ASTN2: variants seen among roughly 807,000 people sequenced by gnomAD.
The protein encoded by ASTN2 is astrotactin 2, also known as astrotactin-2.
A neutral mutation model predicts 139.8 loss-of-function variants in ASTN2; 54 were observed. The observed-to-expected ratio is 0.39, with a 90% CI of 0.31 to 0.48. The LOEUF (loss-of-function observed/expected upper bound fraction) is 0.48. Among genes scored for constraint, ASTN2 ranks in the 20% least tolerant of loss-of-function variants. The pLI is 0.95. For missense variants in ASTN2, 1,565 were observed against 1,725.1 expected (o/e 0.91, Z 1.64); for synonymous variants, 756 against 719.5 (o/e 1.05, Z -0.81).
intron 7 of ASTN2, among the ~76,000 whole-genome samples, chr9:116,994,910 T>C (rs1399206154): frequency 6.6e-6 from 1 of 152,196 alleles, no homozygotes; most frequent in African/African-American, 2.4e-5. Context: ...TTGTGCTCAG[T>C]GCATAATACA....
chr9:116,821,362 G>A (rs1831479211), intron 11 of ASTN2, among the ~76,000 whole-genome samples: 1 of 152,144 alleles, frequency 6.6e-6, no homozygotes, highest in Non-Finnish European at 1.5e-5. Flanking sequence ...TTGGATCATG[G>A]GGGTGCATAC....
At chr9:116,905,028 G>A (rs1834117193) in intron 10 of ASTN2, among the ~76,000 whole-genome samples, 1 of 152,038 alleles carries the variant, frequency 6.6e-6, no homozygotes, top group South Asian at 2.1e-4. Flanking sequence ...GAGCAGGCCT[G>A]GCCTTCTGAA....
At chr9:116,727,515 G>T (rs961550100) in intron 15 of ASTN2, among the ~76,000 whole-genome samples, 1 of 120,332 alleles carries the variant, frequency 8.3e-6, no homozygotes, top group Non-Finnish European at 1.8e-5. Flanking sequence ...AATGCAGTGT[G>T]GGGTGTGGGG....
intron 4 of ASTN2, among the ~76,000 whole-genome samples, chr9:117,120,018 G>GTGTATGTATATATA (rs1306397698): frequency 2.2e-4 from 10 of 45,998 alleles, no homozygotes; most frequent in Admixed American, 6.0e-4. Flanking sequence ...GTGTGTGTGT[G>GTGTATGTATATATA]TATATATATA....
In ASTN2 at chr9:116,902,649, G is replaced by A. The variant is rs143445089; in HGVS notation, c.1890-38916C>T. On this transcript the variant is annotated intron_variant, in intron 10 of 22. Coordinates refer to ENST00000313400, the MANE Select transcript of ASTN2 (RefSeq NM_001365068.1). Reference sequence around the variant, plus strand: ...AGGATGTTGTCACAATGACAGAATCGCCTAATGGTACATTTCTCAGAAGAT... The same window carrying A: ...AGGATGTTGTCACAATGACAGAATCACCTAATGGTACATTTCTCAGAAGAT... Among the ~76,000 whole-genome samples, 36 of 152,094 alleles carry A rather than the reference G, an allele frequency of 2.4e-4. 1 individual carries two copies. The South Asian group carries it at 5.2e-3, about 22-fold the overall frequency.
chr9:117,003,752 G>A (rs1837263328), intron 7 of ASTN2, among the ~76,000 whole-genome samples: 2 of 151,642 alleles, frequency 1.3e-5, no homozygotes, highest in South Asian at 4.2e-4. Flanking sequence ...CTCACCACTT[G>A]TCTACTGGGC....
chr9:116,475,080 T>C (rs1444996381), intron 20 of ASTN2, among the ~76,000 whole-genome samples: 1 of 152,166 alleles, frequency 6.6e-6, no homozygotes, highest in African/African-American at 2.4e-5. Flanking sequence ...AGATAAGAGT[T>C]CCCAAATTAA....
chr9:116,442,666 A>T (rs1490899952), intron 20 of ASTN2, 113 bp from the exon 21 acceptor site: 11 of 848,558 alleles, frequency 1.3e-5, no homozygotes, highest in Admixed American at 4.0e-5. Flanking sequence ...AAATGATTTT[A>T]AAAAAAGAAT....
chr9:117,015,455 T>C (rs58923334), intron 6 of ASTN2, among the ~76,000 whole-genome samples: 3,387 of 152,264 alleles, frequency 0.022, 115 homozygotes, highest in African/African-American at 0.078. Context: ...ATTTATAGTA[T>C]AACAAATGTC....
chr9:116,993,581 T>C (rs779341339), intron 7 of ASTN2, among the ~76,000 whole-genome samples: 2 of 150,010 alleles, frequency 1.3e-5, no homozygotes, highest in African/African-American at 4.9e-5. Flanking sequence ...CTATAGATAC[T>C]ATATATAGGA....
At chr9:117,405,948 G>A (rs1164204662) in intron 1 of ASTN2, among the ~76,000 whole-genome samples, 1 of 152,166 alleles carries the variant, frequency 6.6e-6, no homozygotes, top group Non-Finnish European at 1.5e-5. Flanking sequence ...AATGGCTATG[G>A]GTGCTTAGAA....
intron 11 of ASTN2, among the ~76,000 whole-genome samples, chr9:116,824,312 T>C (rs1831564540): frequency 1.3e-5 from 2 of 152,156 alleles, no homozygotes; most frequent in Non-Finnish European, 1.5e-5. Context: ...TGACCAATAG[T>C]ATGTGGCAGA....
At position 116,981,926 on chromosome 9, in the gene ASTN2, T is replaced by C. The variant is rs144858187; in HGVS notation, c.1592-5141A>G. ...CTGGCTATTTACCAGAACTGTGTTA[T>C]CAGCAGTAGATGAGTTGTGTTGGTT... On this transcript the variant is annotated intron_variant, in intron 7 of 22. Coordinates refer to ENST00000313400, the MANE Select transcript of ASTN2 (RefSeq NM_001365068.1). Among the ~76,000 whole-genome samples the C allele has an allele frequency of 7.5e-4, 114 of 152,356 alleles. 1 individual carries two copies. Among genetic ancestry groups the C allele is most frequent in the African/African-American group, 2.6e-3 (109 of 41,592 alleles).
chr9:117,167,174 C>T (rs904847921), intron 3 of ASTN2, among the ~76,000 whole-genome samples: 3 of 152,076 alleles, frequency 2.0e-5, no homozygotes, highest in Admixed American at 6.6e-5. Flanking sequence ...GCGAAACACA[C>T]GATCTATATT....
chr9:116,469,617 C>T (rs72757887), intron 20 of ASTN2, among the ~76,000 whole-genome samples: 2,486 of 152,262 alleles, frequency 0.016, 67 homozygotes, highest in Non-Finnish European at 0.017. Flanking sequence ...TTCATTTCTT[C>T]ATCTCTAAAG....
intron 10 of ASTN2, among the ~76,000 whole-genome samples, chr9:116,890,612 T>C (rs1387900771): frequency 6.6e-6 from 1 of 152,230 alleles, no homozygotes; most frequent in Non-Finnish European, 1.5e-5. Context: ...TGTGTGACTC[T>C]GAGTAAGTCA....
intron 3 of ASTN2, among the ~76,000 whole-genome samples, chr9:117,162,370 C>G (rs898484343): frequency 2.0e-5 from 3 of 151,890 alleles, no homozygotes; most frequent in Non-Finnish European, 2.9e-5. Flanking sequence ...AGGTTTACAC[C>G]AGGGAAATGT....
intron 16 of ASTN2, among the ~76,000 whole-genome samples, chr9:116,721,267 A>G (rs1828466279): frequency 1.3e-5 from 2 of 152,224 alleles, no homozygotes; most frequent in Non-Finnish European, 2.9e-5. Flanking sequence ...ATTTGAATTG[A>G]GATCCATCTG....
chr9:117,188,166 T>TAGAGAGAGAG (rs150848006), intron 3 of ASTN2, among the ~76,000 whole-genome samples: 124 of 125,728 alleles, frequency 9.9e-4, no homozygotes, highest in African/African-American at 3.6e-3. Context: ...GTCTGTGTGA[T>TAGAGAGAGAG]AGAGAGAGAG....
Sources: allele counts gnomAD v4.1 joint callset (sites outside exome capture counted in the v4.1 genomes callset), GRCh38; gene constraint gnomAD v4.1.1; transcripts MANE v1.5; gene names NCBI Gene and HGNC (gene_info 2026-07-23, HGNC 2026-07-21).